PDSS2: variants seen among roughly 807,000 people sequenced by gnomAD.
PDSS2 encodes the protein all trans-polyprenyl-diphosphate synthase PDSS2.
In PDSS2, 31 loss-of-function variants were observed where a neutral mutation model predicts 44.5. The ratio of observed to expected loss-of-function variants is 0.70; its 90% CI spans 0.52 to 0.94. The LOEUF (loss-of-function observed/expected upper bound fraction) is 0.94. PDSS2 is among the 40% of genes least tolerant of loss of function. The pLI is 0.00. For synonymous variants in PDSS2, 157 were observed against 180.3 expected, an observed-to-expected ratio of 0.87 and a Z score of 1.03; for missense variants, 452 against 482.2, an observed-to-expected ratio of 0.94 and a Z score of 0.59.
At chr6:107,262,837 T>C (rs1196594821) in intron 3 of PDSS2, among the ~76,000 whole-genome samples, 4 of 151,644 alleles carry the variant, frequency 2.6e-5, no homozygotes, top group Non-Finnish European at 5.9e-5. Context: ...ATCTCAACAC[T>C]TGGGGAGGCC....
Position 107,153,372 on chromosome 6 carries a change from T to C in PDSS2, c.*1247A>G, listed in dbSNP as rs1770774077. On this transcript the variant is annotated 3_prime_UTR_variant, in exon 8 of 8. Coordinates refer to ENST00000369037, the MANE Select transcript of PDSS2 (RefSeq NM_020381.4). Reference sequence around the variant, plus strand: ...AGTGTCCGATTGCAGGCCTGTGAGATTGCTTATATTCTTTCTGTAATTGGA... The same window carrying C: ...AGTGTCCGATTGCAGGCCTGTGAGACTGCTTATATTCTTTCTGTAATTGGA... 1 of 152,606 alleles carries C rather than the reference T, an allele frequency of 6.6e-6. No individual in the cohort carries two copies. Among genetic ancestry groups the C allele is most frequent in the Non-Finnish European group, 1.5e-5 (1 of 68,038 alleles). The allele number at this position is 152,606 out of a possible 1,614,324, so 9.5% of individuals were successfully genotyped here. A position where few individuals can be genotyped will look rare whatever the true frequency, so the allele number is the denominator to read the frequency against.
At chr6:107,326,104 CTT>C (rs1177945820) in intron 2 of PDSS2, among the ~76,000 whole-genome samples, 17 of 136,166 alleles carry the variant, frequency 1.2e-4, no homozygotes, top group Non-Finnish European at 9.5e-5. Flanking sequence ...TTTCTTTTTT[CTT>C]TTTTTTTTTT....
intron 1 of PDSS2, among the ~76,000 whole-genome samples, chr6:107,381,836 T>C (rs1342406700): frequency 6.6e-6 from 1 of 152,228 alleles, no homozygotes; most frequent in East Asian, 1.9e-4. Flanking sequence ...TATGTTAAGA[T>C]AAAAAGAGCT....
intron 2 of PDSS2, among the ~76,000 whole-genome samples, chr6:107,309,105 G>C (rs1776952415): frequency 6.6e-6 from 1 of 152,184 alleles, no homozygotes; most frequent in Non-Finnish European, 1.5e-5. Flanking sequence ...AGAGACAAAA[G>C]AAAGTTTTAC....
intron 4 of PDSS2, among the ~76,000 whole-genome samples, chr6:107,228,381 CT>C (rs934414653): frequency 6.6e-6 from 1 of 152,080 alleles, no homozygotes; most frequent in Non-Finnish European, 1.5e-5. Context: ...ACATTTGCTA[CT>C]TTTATTTTTT....
At chr6:107,223,003 C>T (rs976611487) in intron 4 of PDSS2, among the ~76,000 whole-genome samples, 8 of 150,466 alleles carry the variant, frequency 5.3e-5, no homozygotes, top group Non-Finnish European at 8.9e-5. Flanking sequence ...GGCTGGAGTG[C>T]AATGGTGCAA....
chr6:107,202,041 T>C (rs1772795869), intron 6 of PDSS2, among the ~76,000 whole-genome samples: 1 of 152,172 alleles, frequency 6.6e-6, no homozygotes, highest in South Asian at 2.1e-4. Flanking sequence ...TAATAGTTAA[T>C]TACTTATTTG....
chr6:107,394,793 T>C (rs1041645187), intron 1 of PDSS2, among the ~76,000 whole-genome samples: 2 of 152,202 alleles, frequency 1.3e-5, no homozygotes, highest in African/African-American at 4.8e-5. Flanking sequence ...TCCCACAATA[T>C]ATTGCTGGGT....
intron 4 of PDSS2, among the ~76,000 whole-genome samples, chr6:107,220,818 A>G (rs1004075423): frequency 2.0e-5 from 3 of 152,164 alleles, no homozygotes; most frequent in Admixed American, 6.6e-5. Flanking sequence ...TATTCCCTAA[A>G]CATTATTACC....
At chr6:107,393,076 T>G (rs1225919529) in intron 1 of PDSS2, among the ~76,000 whole-genome samples, 2 of 152,174 alleles carry the variant, frequency 1.3e-5, no homozygotes, top group Non-Finnish European at 2.9e-5. Context: ...ATTACTGCCT[T>G]CCTTTACATT....
intron 2 of PDSS2, among the ~76,000 whole-genome samples, chr6:107,276,208 G>A (rs1323511219): frequency 6.6e-6 from 1 of 151,976 alleles, no homozygotes; most frequent in Non-Finnish European, 1.5e-5. Flanking sequence ...ACCATTTCCA[G>A]GGAATAGAAC....
At chr6:107,421,559 T>C (rs1780823095) in intron 1 of PDSS2, among the ~76,000 whole-genome samples, 1 of 152,092 alleles carries the variant, frequency 6.6e-6, no homozygotes, top group Non-Finnish European at 1.5e-5. Context: ...GACATTACGC[T>C]GAGTGAAAAC....
intron 2 of PDSS2, among the ~76,000 whole-genome samples, chr6:107,311,332 G>A (rs981145062): frequency 6.6e-6 from 1 of 151,164 alleles, no homozygotes; most frequent in Non-Finnish European, 1.5e-5. Flanking sequence ...TCAGCCTCCC[G>A]AGTAGCTGGG....
chr6:107,338,719 G>A (rs1218771958), intron 1 of PDSS2, among the ~76,000 whole-genome samples: 5 of 152,160 alleles, frequency 3.3e-5, no homozygotes. Context: ...GAAACAGTAT[G>A]TGTGGAGGTC....
intron 1 of PDSS2, among the ~76,000 whole-genome samples, chr6:107,423,433 A>T (rs954642148): frequency 6.6e-6 from 1 of 152,214 alleles, no homozygotes; most frequent in African/African-American, 2.4e-5. Flanking sequence ...TTGTATCAAT[A>T]TCAGAATCTC....
Position 107,364,682 on chromosome 6 carries a change from AG to A in PDSS2, c.297-30351del, listed in dbSNP as rs981931863. On this transcript the variant is annotated intron_variant, in intron 1 of 7. Transcript: ENST00000369037. ...GGCTCCAGCCTTGGCCAGCCCAGAA[AG>A]GGGCTCCCACAGTGCAGTGGGGGGG... Among the ~76,000 whole-genome samples the A allele has an allele frequency of 4.3e-4, 65 of 152,282 alleles. No homozygotes were observed. In the East Asian group the frequency reaches 0.013, roughly 29 times the overall value.
At chr6:107,161,322 T>C (rs1771121012) in intron 7 of PDSS2, among the ~76,000 whole-genome samples, 1 of 151,616 alleles carries the variant, frequency 6.6e-6, no homozygotes, top group African/African-American at 2.4e-5. Flanking sequence ...CTACTAAAAA[T>C]ACAAAAAATT....
intron 4 of PDSS2, among the ~76,000 whole-genome samples, chr6:107,213,748 CTG>C (rs1773312301): frequency 6.6e-6 from 1 of 152,074 alleles, no homozygotes; most frequent in South Asian, 2.1e-4. Flanking sequence ...AAGAGCAAGA[CTG>C]TCTCAAAACA....
chr6:107,203,485 G>C (rs924149649), intron 6 of PDSS2, among the ~76,000 whole-genome samples: 3 of 151,920 alleles, frequency 2.0e-5, no homozygotes, highest in Non-Finnish European at 4.4e-5. Flanking sequence ...CTTGCTTTTA[G>C]TATCTCTTTG....
Sources: allele counts gnomAD v4.1 joint callset (sites outside exome capture counted in the v4.1 genomes callset), GRCh38; gene constraint gnomAD v4.1.1; transcripts MANE v1.5; gene names NCBI Gene and HGNC (gene_info 2026-07-23, HGNC 2026-07-21).